GRIA1: variants seen among roughly 807,000 people sequenced by gnomAD.
GRIA1 encodes the protein glutamate ionotropic receptor AMPA type subunit 1, also known as glutamate receptor 1.
In GRIA1, 31 loss-of-function variants were observed where a neutral mutation model predicts 99.2. The observed-to-expected ratio is 0.31, with a 90% confidence interval of 0.23 to 0.42. GRIA1 has a LOEUF of 0.42. Among genes scored for constraint, GRIA1 ranks in the 10% least tolerant of loss-of-function variants. The pLI is 1.00. For synonymous variants in GRIA1, 438 were observed against 432.4 expected, an observed-to-expected ratio of 1.01 and a Z score of -0.16; for missense variants, 782 against 1,157.5, an observed-to-expected ratio of 0.68 and a Z score of 4.71.
rs1756434946 is a variant in GRIA1, at chr5:153,674,595, G to C, written c.795G>C (p.Lys265Asn). 6.2e-7 allele frequency: 1 copy of C among 1,614,142 alleles called. No individual in the cohort carries two copies. ...LVNYTDTIPA[K>N]IMQQWKNSDA... ...ACTACACAGACACTATTCCGGCCAA[G>C]ATCATGCAGCAGTGGAAGAATAGTG... Residue 265 changes from lysine to asparagine, a missense_variant, in exon 6 of 16, where the codon AAG becomes AAC. Transcript: ENST00000285900.
intron 11 of GRIA1, among the ~76,000 whole-genome samples, chr5:153,763,090 G>A (rs1763288456): frequency 6.6e-6 from 1 of 152,134 alleles, no homozygotes; most frequent in Admixed American, 6.5e-5. Context: ...GAAACGCCTA[G>A]GAGCATTCTT....
At chr5:153,749,312 AGGCTT>A (rs1762361100) in intron 11 of GRIA1, among the ~76,000 whole-genome samples, 7 of 152,136 alleles carry the variant, frequency 4.6e-5, no homozygotes, top group Non-Finnish European at 1.0e-4. Context: ...ATGAAAACTG[AGGCTT>A]AGAGAGAGTC....
rs571778659 is a variant in GRIA1 at position 153,705,603 on chromosome 5, A to G, written c.1453-94A>G. The stretch of plus-strand genomic sequence containing the variant: ...ACTCTCATATCCTTTAAGACACAAA[A>G]GAATAGTCACAATGAGAAGAAAAAC... On this transcript the variant is annotated intron_variant, in intron 10 of 15. Transcript: ENST00000285900. 48 of 1,410,100 alleles carry G rather than the reference A, an allele frequency of 3.4e-5. No homozygotes were observed. In the African/African-American group the frequency reaches 5.4e-4, roughly 16 times the overall value. 87.3% of individuals were successfully genotyped at this position (1,410,100 alleles called of 1,614,324 possible).
At chr5:153,691,214 A>G (rs910772644) in intron 8 of GRIA1, among the ~76,000 whole-genome samples, 4 of 152,238 alleles carry the variant, frequency 2.6e-5, no homozygotes, top group African/African-American at 9.6e-5. Context: ...ATCCCGTTCA[A>G]GGATACCACT....
intron 2 of GRIA1, among the ~76,000 whole-genome samples, chr5:153,522,850 G>T (rs1157880857): frequency 1.3e-5 from 2 of 152,112 alleles, no homozygotes; most frequent in African/African-American, 4.8e-5. Flanking sequence ...CTCAGAGGAA[G>T]GTTTTGAGGA....
intron 2 of GRIA1, among the ~76,000 whole-genome samples, chr5:153,623,648 A>T (rs1004274036): frequency 6.6e-6 from 1 of 152,204 alleles, no homozygotes; most frequent in Non-Finnish European, 1.5e-5. Flanking sequence ...GGACGGCGTT[A>T]ATATGACAGA....
intron 2 of GRIA1, among the ~76,000 whole-genome samples, chr5:153,532,257 T>A (rs1758162956): frequency 6.6e-6 from 1 of 152,200 alleles, no homozygotes; most frequent in Admixed American, 6.5e-5. Context: ...CTTTCTCCCG[T>A]CATGTAGTAC....
chr5:153,489,710 A>C (rs1753737460), upstream of GRIA1: 1 of 445,656 alleles, frequency 2.2e-6, no homozygotes, highest in South Asian at 1.6e-5. Context: ...TTTCAGCAGA[A>C]GCCCTGGTCT....
chr5:153,527,477 G>A (rs950051559), intron 2 of GRIA1, among the ~76,000 whole-genome samples: 2 of 152,184 alleles, frequency 1.3e-5, no homozygotes, highest in Non-Finnish European at 2.9e-5. Context: ...ACTGGATTAA[G>A]GAATATCTAA....
intron 11 of GRIA1, among the ~76,000 whole-genome samples, chr5:153,722,067 G>A (rs1284962665): frequency 2.0e-5 from 3 of 152,070 alleles, no homozygotes; most frequent in Non-Finnish European, 4.4e-5. Flanking sequence ...CATTTCCCTG[G>A]CAACTAGTAC....
chr5:153,806,562 C>A (rs1766442142), intron 15 of GRIA1, among the ~76,000 whole-genome samples: 1 of 152,176 alleles, frequency 6.6e-6, no homozygotes, highest in Non-Finnish European at 1.5e-5. Flanking sequence ...CCACGCCCCG[C>A]CCTTGGCCCA....
At chr5:153,719,410 C>CTT (rs1759895381) in intron 11 of GRIA1, among the ~76,000 whole-genome samples, 1 of 151,930 alleles carries the variant, frequency 6.6e-6, no homozygotes, top group African/African-American at 2.4e-5. Flanking sequence ...TATCTGGAGC[C>CTT]TTCGATGGAA....
At chr5:153,527,401 T>G (rs1345539001) in intron 2 of GRIA1, among the ~76,000 whole-genome samples, 1 of 152,124 alleles carries the variant, frequency 6.6e-6, no homozygotes, top group Non-Finnish European at 1.5e-5. Context: ...TAATTATGGT[T>G]TAAGGAGATG....
intron 1 of GRIA1, among the ~76,000 whole-genome samples, chr5:153,492,511 A>AT (rs1347114904): frequency 2.0e-5 from 3 of 151,960 alleles, no homozygotes; most frequent in South Asian, 2.1e-4. Flanking sequence ...ATAATCAAGA[A>AT]TTTTTTTTGT....
chr5:153,582,516 AC>A (rs1763131200), intron 2 of GRIA1, among the ~76,000 whole-genome samples: 2 of 152,138 alleles, frequency 1.3e-5, no homozygotes, highest in African/African-American at 4.8e-5. Flanking sequence ...ATGTCTCAGC[AC>A]CACCTTGAAG....
intron 2 of GRIA1, among the ~76,000 whole-genome samples, chr5:153,607,697 C>G (rs1039138957): frequency 3.9e-5 from 6 of 151,998 alleles, no homozygotes; most frequent in South Asian, 2.1e-4. Context: ...CCAGATGGTA[C>G]AAAGACCTTG....
intron 2 of GRIA1, among the ~76,000 whole-genome samples, chr5:153,507,982 ACT>A (rs1755702390): frequency 6.6e-6 from 1 of 152,080 alleles, no homozygotes; most frequent in Admixed American, 6.6e-5. Flanking sequence ...TTGAGCACCC[ACT>A]CTCTACTAAA....
At chr5:153,580,991 A>C (rs1762997357) in intron 2 of GRIA1, among the ~76,000 whole-genome samples, 1 of 152,192 alleles carries the variant, frequency 6.6e-6, no homozygotes, top group Admixed American at 6.5e-5. Context: ...AAGATGTTTC[A>C]AGAGATAACC....
chr5:153,630,122 G>A (rs192454214), intron 2 of GRIA1, among the ~76,000 whole-genome samples: 78 of 152,222 alleles, frequency 5.1e-4, no homozygotes, highest in African/African-American at 1.6e-3. Flanking sequence ...TAATAATAAA[G>A]TACACCCTCT....
Sources: gnomAD v4.1 joint callset for allele counts (sites outside exome capture counted in the v4.1 genomes callset) on GRCh38, gnomAD v4.1.1 for gene constraint, MANE v1.5 for transcripts, NCBI Gene and HGNC (gene_info 2026-07-23, HGNC 2026-07-21) for gene names.